Variants in USP22 observed in about 807,000 individuals in gnomAD.
USP22 encodes ubiquitin specific peptidase 22, also known as ubiquitin carboxyl-terminal hydrolase 22.
Under a neutral mutation model 68.1 loss-of-function variants are expected in USP22, and 22 were observed. The observed-to-expected ratio is 0.32, with a 90% CI of 0.23 to 0.46. The LOEUF (loss-of-function observed/expected upper bound fraction) is 0.46. Among genes scored for constraint, USP22 ranks in the 20% least tolerant of loss-of-function variants. The pLI is 1.00. For synonymous variants in USP22, 279 were observed against 274.2 expected (o/e 1.02, Z -0.17); for missense variants, 433 against 695.8 (o/e 0.62, Z 4.25).
rs188643720 is a variant in USP22 at position 21,022,566 on chromosome 17, G to A, written c.305-1340C>T. On this transcript the variant is annotated intron_variant, in intron 2 of 12. Transcript: ENST00000261497. The stretch of plus-strand genomic sequence containing the variant: ...TGTAATCCCAGCACTTTGGGAGGCC[G>A]AGGCAGGCAGATCACGAGGTCAGGA... Among the ~76,000 whole-genome samples, 684 of 152,246 alleles carry A rather than the reference G, an allele frequency of 4.5e-3. 7 individuals are homozygous for A. The highest frequency in any genetic ancestry group is 0.015 in the African/African-American group (633 of 41,542).
intron 2 of USP22, among the ~76,000 whole-genome samples, chr17:21,027,272 A>T (rs1374354769): frequency 8.1e-6 from 1 of 123,660 alleles, no homozygotes; most frequent in Non-Finnish European, 1.7e-5. Flanking sequence ...TGGACTCCAG[A>T]CAAAGCGAGA....
intron 2 of USP22, among the ~76,000 whole-genome samples, chr17:21,024,618 TCGGATTTGG>T (rs1972198493): frequency 6.6e-6 from 1 of 152,010 alleles, no homozygotes; most frequent in Non-Finnish European, 1.5e-5. Flanking sequence ...CTTCATGACC[TCGGATTTGG>T]TAAGGGATTC....
At chr17:21,016,421 C>T (rs555370641) in intron 5 of USP22, among the ~76,000 whole-genome samples, 5 of 152,346 alleles carry the variant, frequency 3.3e-5, no homozygotes, top group East Asian at 1.9e-4. Flanking sequence ...TTCCATCCCA[C>T]GGCTTCCTCC....
rs1360921353 is a variant in USP22, at chr17:21,001,108, C to T, written c.*1923G>A. ...CTTCAAAGCACTGTCACCCAAACAG[C>T]AGAACTTGGTCACATGGGACCATTT... On this transcript the variant is annotated 3_prime_UTR_variant, in exon 13 of 13. Transcript: ENST00000261497. 6.6e-6 allele frequency: 1 copy of T among 151,780 alleles called. No homozygotes were observed. The highest frequency in any genetic ancestry group is 1.5e-5 in the Non-Finnish European group (1 of 68,002). The allele number at this position is 151,780 out of a possible 1,614,324, so 9.4% of individuals were successfully genotyped here.
At chr17:21,036,838 G>A (rs948100818) in intron 1 of USP22, among the ~76,000 whole-genome samples, 4 of 152,150 alleles carry the variant, frequency 2.6e-5, no homozygotes, top group African/African-American at 9.7e-5. Context: ...TGTCCCTTGA[G>A]GGGGCCAAGA....
chr17:21,034,139 C>T (rs1972326517), intron 1 of USP22, among the ~76,000 whole-genome samples: 1 of 152,112 alleles, frequency 6.6e-6, no homozygotes, highest in South Asian at 2.1e-4. Context: ...AAATTAAGTT[C>T]CCCAACCTCA....
intron 7 of USP22, 82 bp from the exon 8 acceptor site, chr17:21,011,391 A>ACATCCCTTCCCCGCTGTGCCCT (rs1567791587): frequency 3.3e-6 from 5 of 1,507,648 alleles, no homozygotes; most frequent in Non-Finnish European, 4.5e-6. Flanking sequence ...AGCCGTTCCC[A>ACATCCCTTCCCCGCTGTGCCCT]CATCCCTTCC....
intron 1 of USP22, among the ~76,000 whole-genome samples, chr17:21,038,929 G>A (rs976438539): frequency 3.3e-5 from 5 of 151,970 alleles, no homozygotes; most frequent in Middle Eastern, 3.2e-3. Flanking sequence ...CACTGTGGTC[G>A]TGCCAGTCCT....
chr17:21,040,741 A>G (rs993343310), intron 1 of USP22, among the ~76,000 whole-genome samples: 1 of 152,176 alleles, frequency 6.6e-6, no homozygotes, highest in Non-Finnish European at 1.5e-5. Context: ...CGGAAAAAGA[A>G]AAGGAGGGAG....
rs1267984256 is a variant in USP22 at position 21,032,629 on chromosome 17, C to T, written c.172-3955G>A. On this transcript the variant is annotated intron_variant, in intron 1 of 12. Coordinates refer to ENST00000261497, the MANE Select transcript of USP22 (RefSeq NM_015276.2). The stretch of plus-strand genomic sequence containing the variant: ...TTCACATTCATTTTTATTCTATCTC[C>T]TTTCACAGCACTGTAAAGTAGAAAA... Among the ~76,000 whole-genome samples, 8 of 152,286 alleles carry T rather than the reference C, an allele frequency of 5.3e-5. No homozygotes were observed. In the South Asian group the frequency reaches 1.5e-3, roughly 28 times the overall value.
chr17:21,036,762 G>A (rs1231608817), intron 1 of USP22, among the ~76,000 whole-genome samples: 1 of 152,162 alleles, frequency 6.6e-6, no homozygotes, highest in Non-Finnish European at 1.5e-5. Flanking sequence ...GGATGCTGAT[G>A]AATATATATC....
chr17:21,020,244 C>CAAAAAAAAAAA lies in USP22; in HGVS notation c.418+858_418+868dup, dbSNP rs3047597. ...ATGAGCATCTGTCAGAATCAAAAAC[C>CAAAAAAAAAAA]AAAAAAAAAAAAAAAAAAAAAAAAA... On this transcript the variant is annotated intron_variant, in intron 3 of 12. Coordinates refer to ENST00000261497, the MANE Select transcript of USP22 (RefSeq NM_015276.2). 4.1e-4 allele frequency among the ~76,000 whole-genome samples: 30 copies of CAAAAAAAAAAA among 73,252 alleles called. 1 individual carries two copies. The highest frequency in any genetic ancestry group is 5.5e-4 in the Non-Finnish European group (22 of 39,962). 48.1% of individuals were successfully genotyped at this position (73,252 alleles called of 152,430 possible). A position where few individuals can be genotyped will look rare whatever the true frequency, so the allele number is the denominator to read the frequency against.
chr17:21,012,691 G>A (rs764730865), intron 7 of USP22, 139 bp downstream of exon 7: 6 of 748,150 alleles, frequency 8.0e-6, no homozygotes, highest in African/African-American at 3.5e-5. Context: ...CACAACCTTC[G>A]CTCTCATGGC....
Position 21,004,937 on chromosome 17 carries a change from T to C in USP22, c.1376A>G (p.Asn459Ser), listed in dbSNP as rs764178067. 3.2e-5 allele frequency: 52 copies of C among 1,614,092 alleles called. No homozygotes were observed. In the Admixed American group the frequency reaches 4.2e-4, roughly 13 times the overall value. ...GCTAAGCACCACTTACTTGTTGTCA[T>C]TGTTGAGACTGTCCGTGGGCTGCTG... Reference protein sequence around the residue: ...QYQQPTDSLNNDNKYSLFAVV... With the variant: ...QYQQPTDSLNSDNKYSLFAVV... The change falls in exon 11 of 13, where the codon AAT becomes AGT. Residue 459 changes from asparagine to serine, a missense_variant. By Grantham distance (46) the Asn-to-Ser change is conservative. Coordinates refer to ENST00000261497, the MANE Select transcript of USP22 (RefSeq NM_015276.2).
chr17:21,020,417 CG>C (rs1567589101), intron 3 of USP22, among the ~76,000 whole-genome samples: 2 of 152,090 alleles, frequency 1.3e-5, no homozygotes, highest in Non-Finnish European at 2.9e-5. Flanking sequence ...GTGCGAGAGC[CG>C]TGAGGGCAGC....
At chr17:21,042,553 AG>A in intron 1 of USP22, 111 bp downstream of exon 1, 1 of 1,075,156 alleles carries the variant, frequency 9.3e-7, no homozygotes, top group South Asian at 3.5e-5. Context: ...GAGGAAGGAC[AG>A]GGAAAGGCAA....
chr17:21,020,385 G>A (rs542129883), intron 3 of USP22, among the ~76,000 whole-genome samples: 13 of 152,222 alleles, frequency 8.5e-5, no homozygotes, highest in East Asian at 3.9e-4. Flanking sequence ...CGGTGGCGAC[G>A]GCAAGTGCAA....
intron 2 of USP22, among the ~76,000 whole-genome samples, chr17:21,028,296 A>T (rs142997920): frequency 4.7e-4 from 71 of 152,302 alleles, no homozygotes; most frequent in African/African-American, 1.5e-3. Context: ...TTTTCACAGG[A>T]AGTCAGCTGG....
chr17:21,012,497 C>T (rs1229335949), intron 7 of USP22, among the ~76,000 whole-genome samples: 3 of 152,118 alleles, frequency 2.0e-5, no homozygotes, highest in South Asian at 2.1e-4. Flanking sequence ...GCATGATCCA[C>T]GCCTTCTTGA....
Sources: allele counts gnomAD v4.1 joint callset (sites outside exome capture counted in the v4.1 genomes callset), GRCh38; gene constraint gnomAD v4.1.1; transcripts MANE v1.5; gene names NCBI Gene and HGNC (gene_info 2026-07-23, HGNC 2026-07-21).